PCDHGA4: variants seen among roughly 807,000 people sequenced by gnomAD.
The protein encoded by PCDHGA4 is protocadherin gamma subfamily A, 4.
A neutral mutation model predicts 54.6 loss-of-function variants in PCDHGA4; 38 were observed. The observed-to-expected ratio is 0.70, with a 90% confidence interval of 0.54 to 0.91. PCDHGA4 has a LOEUF of 0.91. Among genes scored for constraint, PCDHGA4 ranks in the 40% least tolerant of loss-of-function variants. PCDHGA4 has a pLI of 0.00. For missense variants in PCDHGA4, 1,298 were observed against 1,220.9 expected, an observed-to-expected ratio of 1.06 and a Z score of -0.94; for synonymous variants, 511 against 512.9, an observed-to-expected ratio of 1.00 and a Z score of 0.05.
At chr5:141,359,955 C>A in intron 1 of PCDHGA4, 1 of 566,746 alleles carries the variant, frequency 1.8e-6, no homozygotes, top group Non-Finnish European at 2.8e-6. Flanking sequence ...GTCAAAAGAA[C>A]GAAGAGAAGC....
At chr5:141,418,337 C>G (rs1308299122) in intron 1 of PCDHGA4, 1 of 1,613,972 alleles carries the variant, frequency 6.2e-7, no homozygotes, top group East Asian at 2.2e-5. Context: ...TGCAGAAGAT[C>G]CTGATATTAG....
chr5:141,435,194 C>G (rs538114313), intron 1 of PCDHGA4, among the ~76,000 whole-genome samples: 85 of 152,214 alleles, frequency 5.6e-4, no homozygotes, highest in Middle Eastern at 6.8e-3. Flanking sequence ...AGATGGCTAG[C>G]AAATTCATAA....
At chr5:141,472,003 A>T (rs1450802255) in intron 1 of PCDHGA4, among the ~76,000 whole-genome samples, 1 of 152,176 alleles carries the variant, frequency 6.6e-6, no homozygotes, top group Non-Finnish European at 1.5e-5. Context: ...CCTGCATCGT[A>T]TAGGGGCACT....
chr5:141,371,274 C>T, intron 1 of PCDHGA4: 3 of 1,613,982 alleles, frequency 1.9e-6, no homozygotes, highest in Non-Finnish European at 2.5e-6. Context: ...ACTGTTCAAG[C>T]TGGACAGTAA....
At chr5:141,472,617 A>G (rs1024856184) in intron 1 of PCDHGA4, among the ~76,000 whole-genome samples, 3 of 152,138 alleles carry the variant, frequency 2.0e-5, no homozygotes, top group African/African-American at 7.2e-5. Flanking sequence ...CAAAGAAGAA[A>G]AAAGATAAAG....
At position 141,404,344 on chromosome 5, in the gene PCDHGA4, C is replaced by T. The variant is rs755599341; in HGVS notation, c.2514+46723C>T. 1.1e-5 allele frequency: 18 copies of T among 1,613,954 alleles called. No homozygotes were observed. In the East Asian group the frequency reaches 3.8e-4, roughly 34 times the overall value. ...CCTACTCAGTCTACCTCCCGGAAAA[C>T]AACGCCAGAGGTACTTCCATCTTCT... On this transcript the variant is annotated intron_variant, in intron 1 of 3. Coordinates refer to ENST00000571252, the MANE Select transcript of PCDHGA4 (RefSeq NM_018917.4).
intron 1 of PCDHGA4, among the ~76,000 whole-genome samples, chr5:141,435,604 A>T (rs1361568996): frequency 6.6e-6 from 1 of 152,180 alleles, no homozygotes. Flanking sequence ...CCTGCTTTTT[A>T]CATTAAATTC....
At chr5:141,361,233 C>G in intron 1 of PCDHGA4, 1 of 1,613,952 alleles carries the variant, frequency 6.2e-7, no homozygotes, top group Non-Finnish European at 8.5e-7. Flanking sequence ...GAACAGTGAT[C>G]GCCTTGATAA....
chr5:141,448,449 T>A (rs528049717), intron 1 of PCDHGA4, among the ~76,000 whole-genome samples: 1 of 152,166 alleles, frequency 6.6e-6, no homozygotes, highest in Non-Finnish European at 1.5e-5. Context: ...CTGACTTCCA[T>A]CCCTATCCTA....
At chr5:141,371,570 T>C (rs767925650) in intron 1 of PCDHGA4, 3 of 1,613,762 alleles carry the variant, frequency 1.9e-6, no homozygotes, top group Admixed American at 3.3e-5. Flanking sequence ...ACTTCCCCTT[T>C]AAAATCGTTC....
At chr5:141,370,756 T>G in intron 1 of PCDHGA4, 1 of 1,613,974 alleles carries the variant, frequency 6.2e-7, no homozygotes, top group Non-Finnish European at 8.5e-7. Flanking sequence ...CATGTAACTG[T>G]GCTGATCCAG....
At chr5:141,372,786 TC>T in intron 1 of PCDHGA4, 1 of 1,605,598 alleles carries the variant, frequency 6.2e-7, no homozygotes, top group Non-Finnish European at 8.5e-7. Context: ...AGAAATGCCT[TC>T]TAATTCAGGC....
rs369044087 is a variant in PCDHGA4 at position 141,389,106 on chromosome 5, C to G, written c.2514+31485C>G. On this transcript the variant is annotated intron_variant, in intron 1 of 3. Coordinates refer to ENST00000571252, the MANE Select transcript of PCDHGA4 (RefSeq NM_018917.4). ...GTATAAATTAGTGACAGATGCTGTTCTAGACCGCGAGCAGAATCCAGAGTA... is the reference window on the plus strand; with the variant it reads ...GTATAAATTAGTGACAGATGCTGTTGTAGACCGCGAGCAGAATCCAGAGTA... 73 of 1,613,908 alleles carry G rather than the reference C, an allele frequency of 4.5e-5. No individual in the cohort carries two copies. The highest frequency in any genetic ancestry group is 1.7e-5 in the Admixed American group (1 of 60,018).
chr5:141,466,085 G>T (rs1028177123), intron 1 of PCDHGA4, among the ~76,000 whole-genome samples: 2 of 151,984 alleles, frequency 1.3e-5, no homozygotes, highest in African/African-American at 4.8e-5. Flanking sequence ...TCATGCCACT[G>T]CACTCCAGCC....
intron 1 of PCDHGA4, among the ~76,000 whole-genome samples, chr5:141,461,557 C>T (rs2154567400): frequency 6.6e-6 from 1 of 152,122 alleles, no homozygotes; most frequent in East Asian, 1.9e-4. Context: ...CAGATGTGTA[C>T]TTTGCAAAGA....
intron 1 of PCDHGA4, chr5:141,440,587 A>G (rs566819394): frequency 1.3e-5 from 2 of 152,392 alleles, no homozygotes; most frequent in East Asian, 3.9e-4. Flanking sequence ...CCCAGCTGGA[A>G]CAAGATTTGC....
intron 1 of PCDHGA4, chr5:141,417,885 G>A (rs761442517): frequency 2.6e-6 from 4 of 1,562,806 alleles, no homozygotes; most frequent in Admixed American, 1.9e-5. Flanking sequence ...GCGCAGAGGC[G>A]CCGGGCCGGC....
At position 141,491,098 on chromosome 5, in the gene PCDHGA4, C is replaced by A. The variant is rs1283499077; in HGVS notation, c.2515-3709C>A. ...ACAGTCCACAGCCCCAGGACTGTTC[C>A]TCGTGTCTACACACACTGGTGAGGT... On this transcript the variant is annotated intron_variant, in intron 1 of 3. Coordinates refer to ENST00000571252, the MANE Select transcript of PCDHGA4 (RefSeq NM_018917.4). This position sits in a 1 kb window ranked among gnomAD's most constrained non-coding sequence, Gnocchi z 6.9. 6.2e-7 allele frequency: 1 copy of A among 1,614,216 alleles called. No individual in the cohort carries two copies. Among genetic ancestry groups the A allele is most frequent in the Non-Finnish European group, 8.5e-7 (1 of 1,180,038 alleles).
intron 1 of PCDHGA4, chr5:141,375,823 C>A (rs1771937674): frequency 6.2e-7 from 1 of 1,614,098 alleles, no homozygotes; most frequent in African/African-American, 1.3e-5. Context: ...TGGCGCCCCG[C>A]TCCGCAGAGC....
Sources: gnomAD v4.1 joint callset for allele counts (sites outside exome capture counted in the v4.1 genomes callset) on GRCh38, gnomAD v4.1.1 for gene constraint, Gnocchi (gnomAD v3.1) non-coding constraint, MANE v1.5 for transcripts, NCBI Gene and HGNC (gene_info 2026-07-23, HGNC 2026-07-21) for gene names.